The following CD99 variants were observed in gnomAD, a reference collection of about 807,000 sequenced individuals.
CD99 encodes CD99 antigen.
A neutral mutation model predicts 28.4 loss-of-function variants in CD99; 19 were observed. The observed-to-expected ratio is 0.67, with a 90% CI of 0.47 to 0.98. The LOEUF (loss-of-function observed/expected upper bound fraction) is 0.98, where lower values mean the gene tolerates loss of function less well. Ranked by LOEUF, CD99 falls within the 50% of genes least tolerant of loss-of-function variation. The pLI is 0.00. For synonymous variants in CD99, 103 were observed against 92.1 expected (o/e 1.12, Z -0.67); for missense variants, 283 against 248.8 (o/e 1.14, Z -0.92).
At chrX:2,717,017 G>T (rs950211634) in intron 2 of CD99, among the ~76,000 whole-genome samples, 15 of 152,090 alleles carry the variant, frequency 9.9e-5, no homozygotes, top group Non-Finnish European at 1.5e-4. Flanking sequence ...CTGCCTTCCT[G>T]GCTTATGTCT....
intron 8 of CD99, among the ~76,000 whole-genome samples, chrX:2,729,074 C>T (rs193058845): frequency 3.3e-5 from 5 of 152,064 alleles, no homozygotes; most frequent in African/African-American, 9.6e-5. Flanking sequence ...CAGGTGGTTC[C>T]CCCCCGCAAT....
At chrX:2,699,753 C>T (rs1470856864) in intron 1 of CD99, among the ~76,000 whole-genome samples, 9 of 152,122 alleles carry the variant, frequency 5.9e-5, no homozygotes, top group Admixed American at 6.6e-5. Context: ...CACTGCATCC[C>T]GCTATTAGGA....
rs888789524 is a variant in CD99 at position 2,728,158 on chromosome X, T to TACCTGGTG, written c.475+1786_475+1793dup. Among the ~76,000 whole-genome samples, 690 of 151,728 alleles carry TACCTGGTG rather than the reference T, an allele frequency of 4.5e-3. 25 individuals carry two copies. The East Asian group carries it at 0.099, about 22-fold the overall frequency. On this transcript the variant is annotated intron_variant, in intron 8 of 9. Coordinates refer to ENST00000381192, the MANE Select transcript of CD99 (RefSeq NM_002414.5). ...CAGTGCGTGGAAGACAGTTGCCTCC[T>TACCTGGTG]ACCTGGTGGGCAGACGAGTGGGAAA...
intron 1 of CD99, among the ~76,000 whole-genome samples, chrX:2,709,218 C>A (rs1402301556): frequency 6.6e-6 from 1 of 152,038 alleles, no homozygotes; most frequent in African/African-American, 2.4e-5. Context: ...CATGCACACT[C>A]ATGCCATGCA....
intron 8 of CD99, among the ~76,000 whole-genome samples, chrX:2,729,792 G>T (rs1234097150): frequency 1.3e-5 from 2 of 152,116 alleles, no homozygotes; most frequent in African/African-American, 4.8e-5. Context: ...ATTGCAGGAG[G>T]TGGGGCAGGC....
rs1333574457 is a variant in CD99, at chrX:2,717,272, C to T, written c.101-333C>T. 1.7e-5 allele frequency: 4 copies of T among 238,922 alleles called. No homozygotes were observed. The South Asian group carries it at 4.1e-4, about 25-fold the overall frequency. The allele number at this position is 238,922 out of a possible 1,614,324, so 14.8% of individuals were successfully genotyped here. On this transcript the variant is annotated intron_variant, in intron 2 of 9. Transcript: ENST00000381192. ...CTGAGGCAGGAGAATCGCTTGAACC[C>T]AGGAGGCAGAGGTTGTGGTGAACGG... is the stretch of plus-strand genomic sequence containing the variant.
At chrX:2,694,154 G>C (rs750142813) in intron 1 of CD99, among the ~76,000 whole-genome samples, 31 of 152,256 alleles carry the variant, frequency 2.0e-4, no homozygotes, top group African/African-American at 7.2e-4. Context: ...CCACCCCCCG[G>C]GGCAACGGCA....
At chrX:2,693,952 C>T (rs183289195) in intron 1 of CD99, among the ~76,000 whole-genome samples, 279 of 152,282 alleles carry the variant, frequency 1.8e-3, no homozygotes, top group Non-Finnish European at 3.4e-3. Flanking sequence ...AGGGCCAGGA[C>T]GGCCTCCAGC....
At chrX:2,715,171 G>C (rs2048630475) in intron 2 of CD99, 1 of 151,824 alleles carries the variant, frequency 6.6e-6, no homozygotes, top group Non-Finnish European at 1.5e-5. Flanking sequence ...TCGGTGAAGG[G>C]CATGGGAAAA....
intron 1 of CD99, among the ~76,000 whole-genome samples, chrX:2,706,978 G>A (rs377146862): frequency 1.2e-4 from 18 of 151,592 alleles, no homozygotes; most frequent in African/African-American, 3.9e-4. Flanking sequence ...GCACCACCAC[G>A]CCTGGCTCAT....
At chrX:2,717,584 T>A in intron 2 of CD99, 21 bp from the exon 3 acceptor site, 1 of 1,606,068 alleles carries the variant, frequency 6.2e-7, no homozygotes, top group East Asian at 2.2e-5. Context: ...TTTTACTAAC[T>A]GAAATATCTT....
At chrX:2,710,670 G>A (rs923890693) in intron 1 of CD99, among the ~76,000 whole-genome samples, 38 of 151,962 alleles carry the variant, frequency 2.5e-4, no homozygotes, top group African/African-American at 8.9e-4. Context: ...TGGAGGGGGT[G>A]GGGACTTGCC....
chrX:2,734,853 C>T, intron 8 of CD99, among the ~76,000 whole-genome samples: 1 of 149,856 alleles, frequency 6.7e-6, no homozygotes, highest in South Asian at 2.1e-4. Flanking sequence ...CTTATTTGCC[C>T]TCTTGTGGAA....
chrX:2,713,291 G>A (rs1205232759), intron 1 of CD99, among the ~76,000 whole-genome samples: 4 of 147,814 alleles, frequency 2.7e-5, no homozygotes, highest in Middle Eastern at 3.3e-3. Flanking sequence ...ACATGAACAT[G>A]CACTGACACA....
At chrX:2,737,823 G>A (rs1347345524) in intron 8 of CD99, 22 of 382,754 alleles carry the variant, frequency 5.7e-5, no homozygotes, top group Non-Finnish European at 1.1e-4. Flanking sequence ...GAGTTTGGGG[G>A]CAGTTATAAA....
At chrX:2,726,131 C>T (rs1290432315) in intron 7 of CD99, 129 bp from the exon 8 acceptor site, 10 of 640,036 alleles carry the variant, frequency 1.6e-5, no homozygotes, top group Non-Finnish European at 2.5e-5. Flanking sequence ...AATCGGTCAG[C>T]TCAGGCGTCT....
intron 7 of CD99, among the ~76,000 whole-genome samples, chrX:2,724,963 G>A (rs1426870106): frequency 6.6e-6 from 1 of 151,590 alleles, no homozygotes; most frequent in African/African-American, 2.4e-5. Flanking sequence ...TTGGGAGGCT[G>A]AGGCAGGAGA....
At chrX:2,716,550 G>A (rs976816242) in intron 2 of CD99, among the ~76,000 whole-genome samples, 36 of 152,078 alleles carry the variant, frequency 2.4e-4, no homozygotes, top group African/African-American at 8.0e-4. Context: ...GGAGTGCCAC[G>A]GTGGGATCTT....
Position 2,741,122 on chromosome X carries a change from C to A in CD99, c.*318C>A. 1 of 390,952 alleles carries A rather than the reference C, an allele frequency of 2.6e-6. No homozygotes were observed. 24.2% of individuals were successfully genotyped at this position (390,952 alleles called of 1,614,324 possible). A position where few individuals can be genotyped will look rare whatever the true frequency, so the allele number is the denominator to read the frequency against. On this transcript the variant is annotated 3_prime_UTR_variant, in exon 10 of 10. Transcript: ENST00000381192. Reference sequence around the variant, plus strand: ...AAATGTCAACCCCACCGAGGCACCCCCCCGTCCCCCAGAATCTTGGCTGTT... The same window carrying A: ...AAATGTCAACCCCACCGAGGCACCCACCCGTCCCCCAGAATCTTGGCTGTT...
Sources: allele counts gnomAD v4.1 joint callset (sites outside exome capture counted in the v4.1 genomes callset), GRCh38; gene constraint gnomAD v4.1.1; transcripts MANE v1.5; gene names NCBI Gene and HGNC (gene_info 2026-07-23, HGNC 2026-07-21).